Variants in OTOGL observed in about 807,000 individuals in gnomAD.
OTOGL encodes the protein otogelin like.
OTOGL carries 285 observed loss-of-function variants against 318.5 expected under a neutral mutation model. That is an observed-to-expected ratio of 0.89 (90% CI 0.81 to 0.99). The LOEUF is 0.99. Among genes scored for constraint, OTOGL ranks in the 50% least tolerant of loss-of-function variants. OTOGL has a pLI of 0.00. For missense variants in OTOGL, 2,899 were observed against 2,845.6 expected (o/e 1.02, Z -0.43); for synonymous variants, 987 against 936.5 (o/e 1.05, Z -0.99).
In OTOGL at chr12:80,329,091, A is replaced by G; in HGVS notation, c.4320A>G (p.Pro1440=). 6.4e-7 allele frequency: 1 copy of G among 1,553,392 alleles called. No individual in the cohort carries two copies. ...CCACAGAACCAACATTAATGCCACC[A>G]GCTAAGCCAACTGTGCCCATGTTTA... The part of the protein sequence containing the change: ...VIPTEPTLMP[P]AKPTVPMFTV... The change falls in exon 37 of 59, where the codon CCA becomes CCG. Residue 1440 remains proline, a synonymous_variant. Transcript: ENST00000547103.
chr12:80,217,098 G>A (rs1877802378), intron 4 of OTOGL, among the ~76,000 whole-genome samples: 4 of 152,156 alleles, frequency 2.6e-5, no homozygotes, highest in Admixed American at 2.6e-4. Context: ...TGGTGTGCAG[G>A]CAGGCAGGAC....
chr12:80,223,519 G>A (rs1425042537), intron 7 of OTOGL, among the ~76,000 whole-genome samples: 2 of 151,950 alleles, frequency 1.3e-5, no homozygotes, highest in Non-Finnish European at 2.9e-5. Flanking sequence ...CTTTTTCATA[G>A]TAGTTGTACT....
In OTOGL at chr12:80,350,820, A is replaced by G. The variant is rs1035013157; in HGVS notation, c.5266-1475A>G. 2.0e-5 allele frequency among the ~76,000 whole-genome samples: 3 copies of G among 152,192 alleles called. No individual in the cohort carries two copies. The South Asian group carries it at 6.2e-4, about 32-fold the overall frequency. ...TGGATATTAACCCATTATTAGATGT[A>G]TAGTTTGCAAATATTTTCTCGCATT... On this transcript the variant is annotated intron_variant, in intron 44 of 58. Transcript: ENST00000547103.
chr12:80,120,104 T>C (rs1363214684), intron 1 of OTOGL, among the ~76,000 whole-genome samples: 1 of 152,154 alleles, frequency 6.6e-6, no homozygotes, highest in Non-Finnish European at 1.5e-5. Context: ...AATATGCTGG[T>C]TATCTTTGAG....
rs746885269 is a variant in OTOGL, at chr12:80,266,613, C to A, written c.2387C>A (p.Pro796His). Residue 796 changes from proline (P) to histidine (H), a missense_variant, in exon 21 of 59, where the codon CCC becomes CAC. Physicochemically the swap from Pro to His is moderately conservative, Grantham distance 77. Transcript: ENST00000547103. ...GAAGACACTCTTAACTTTTGTGTAC[C>A]CATGTAAGTCGTAGAAACAGGTTGG... ...FYEDTLNFCV[P>H]IFHCRCHYRG... The A allele has an allele frequency of 5.6e-6, 9 of 1,612,052 alleles. No homozygotes were observed. In the African/African-American group the frequency reaches 1.2e-4, roughly 22 times the overall value.
chr12:80,152,647 G>A (rs180813666), intron 1 of OTOGL, among the ~76,000 whole-genome samples: 65 of 152,230 alleles, frequency 4.3e-4, no homozygotes, highest in Middle Eastern at 3.4e-3. Flanking sequence ...CCAATCGCCT[G>A]TTGCAAAAAT....
At chr12:80,363,483 A>C (rs1890350713) in intron 52 of OTOGL, among the ~76,000 whole-genome samples, 1 of 152,152 alleles carries the variant, frequency 6.6e-6, no homozygotes, top group African/African-American at 2.4e-5. Context: ...AGGAGGGCAA[A>C]ATGAAAGACT....
At chr12:80,278,309 C>G (rs761773973) in intron 25 of OTOGL, 34 bp downstream of exon 25, 38 of 1,413,476 alleles carry the variant, frequency 2.7e-5, no homozygotes, top group Non-Finnish European at 3.5e-5. Flanking sequence ...AAATATTTTC[C>G]TAAGTAATTG....
rs1882589629 is a variant in OTOGL at position 80,262,100 on chromosome 12, T to A, written c.2014+7T>A. The A allele has an allele frequency of 2.5e-6, 4 of 1,600,880 alleles. No homozygotes were observed. Among genetic ancestry groups the A allele is most frequent in the Non-Finnish European group, 1.7e-6 (2 of 1,172,746 alleles). On this transcript the variant is annotated splice_region_variant and intron_variant, in intron 19 of 58. Transcript: ENST00000547103. ...AACATCAATCAACAAAACAGTAAGT[T>A]TTGCATGTAAACTTCCTTTCTGCTG...
intron 52 of OTOGL, among the ~76,000 whole-genome samples, chr12:80,362,273 C>A (rs1039835970): frequency 6.6e-6 from 1 of 152,106 alleles, no homozygotes; most frequent in Non-Finnish European, 1.5e-5. Flanking sequence ...GTAACTTTGT[C>A]AAAAATTAAT....
At chr12:80,335,326 C>G (rs1212524278) in intron 38 of OTOGL, among the ~76,000 whole-genome samples, 5 of 151,906 alleles carry the variant, frequency 3.3e-5, no homozygotes, top group Non-Finnish European at 7.4e-5. Flanking sequence ...TAGTATCTAC[C>G]TTAGAGGGTT....
chr12:80,159,296 T>C (rs1565882976), intron 1 of OTOGL, among the ~76,000 whole-genome samples: 1 of 152,108 alleles, frequency 6.6e-6, no homozygotes, highest in African/African-American at 2.4e-5. Context: ...GTAGTTTTGA[T>C]TTTTTGTTAT....
At chr12:80,336,289 A>C in intron 39 of OTOGL, 124 bp from the exon 40 acceptor site, 1 of 1,353,452 alleles carries the variant, frequency 7.4e-7, no homozygotes, top group Non-Finnish European at 9.7e-7. Context: ...CACAGTATAT[A>C]ACTTTTAGAG....
Position 80,249,573 on chromosome 12 carries a change from TCAGA to T in OTOGL, c.1053-2116_1053-2113del, listed in dbSNP as rs556417132. 5.9e-5 allele frequency among the ~76,000 whole-genome samples: 9 copies of T among 152,136 alleles called. No individual in the cohort carries two copies. The South Asian group carries it at 1.9e-3, about 32-fold the overall frequency. Reference sequence around the variant, plus strand: ...AGAACCACTGCTCTCTTCAAAGCTGTCAGACAGGGACATTTAAGTCTGCAGAGGT... The same window carrying T: ...AGAACCACTGCTCTCTTCAAAGCTGTCAGGGACATTTAAGTCTGCAGAGGT... On this transcript the variant is annotated intron_variant, in intron 11 of 58. Coordinates refer to ENST00000547103, the MANE Select transcript of OTOGL (RefSeq NM_001378609.3).
intron 27 of OTOGL, among the ~76,000 whole-genome samples, chr12:80,298,922 T>C (rs1405356456): frequency 6.6e-6 from 1 of 152,196 alleles, no homozygotes; most frequent in Non-Finnish European, 1.5e-5. Flanking sequence ...AAAGTACTAA[T>C]TTGACAAATG....
Position 80,278,172 on chromosome 12 carries a change from G to T in OTOGL, c.2686G>T (p.Ala896Ser), listed in dbSNP as rs1371596557. 3.2e-6 allele frequency: 5 copies of T among 1,544,126 alleles called. No homozygotes were observed. The highest frequency in any genetic ancestry group is 3.5e-6 in the Non-Finnish European group (4 of 1,142,154). Reference sequence around the variant, plus strand: ...ATTTTATTCTTCATTTGGAAGAATGGCAGAGCACAGAGGAAAGTGTTATGT... The same window carrying T: ...ATTTTATTCTTCATTTGGAAGAATGTCAGAGCACAGAGGAAAGTGTTATGT... ...ISGCVCAPGM[A>S]EHRGKCYVPE... Residue 896 changes from alanine (A) to serine (S), a missense_variant, in exon 25 of 59, where the codon GCA (alanine) becomes TCA (serine). By Grantham distance (99) the Ala-to-Ser change is moderately conservative. Around this residue, in one of 3 missense-constraint regions of OTOGL, gnomAD observed 2,607 missense variants for 2,524.9 expected, o/e 1.03. Coordinates refer to ENST00000547103, the MANE Select transcript of OTOGL (RefSeq NM_001378609.3).
intron 40 of OTOGL, 61 bp from the exon 41 acceptor site, chr12:80,336,736 C>A: frequency 6.9e-7 from 1 of 1,446,946 alleles, no homozygotes; most frequent in Non-Finnish European, 9.4e-7. Context: ...GCATATAAAT[C>A]CGAATAATGT....
In OTOGL at chr12:80,355,964, CCTTATAGT is replaced by C. The variant is rs775854780; in HGVS notation, c.5806+18_5806+25del. ...GAAGTTTGTGGTATGTATGCAGAAG[CCTTATAGT>C]CAATTGATTCCACAAAATATGTTGA... On this transcript the variant is annotated intron_variant, in intron 47 of 58. Transcript: ENST00000547103. 22 of 1,607,092 alleles carry C rather than the reference CCTTATAGT, an allele frequency of 1.4e-5. No homozygotes were observed. Among genetic ancestry groups the C allele is most frequent in the Non-Finnish European group, 1.9e-5 (22 of 1,173,882 alleles).
At chr12:80,284,968 A>G (rs1884502772) in intron 26 of OTOGL, among the ~76,000 whole-genome samples, 1 of 152,140 alleles carries the variant, frequency 6.6e-6, no homozygotes. Context: ...CATGTCCTGA[A>G]TGGTATTACC....
Sources: allele counts gnomAD v4.1 joint callset (sites outside exome capture counted in the v4.1 genomes callset), GRCh38; gene constraint gnomAD v4.1.1; regional missense constraint gnomAD v4.1.1; transcripts MANE v1.5; gene names NCBI Gene and HGNC (gene_info 2026-07-23, HGNC 2026-07-21).